The following SEMA3D variants were observed in gnomAD, a reference collection of about 807,000 sequenced individuals.
SEMA3D encodes the protein semaphorin 3D.
A neutral mutation model predicts 100.1 loss-of-function variants in SEMA3D; 84 were observed. The observed-to-expected ratio is 0.84, with a 90% CI of 0.70 to 1.01. The LOEUF (loss-of-function observed/expected upper bound fraction) is 1.01. Among genes scored for constraint, SEMA3D ranks in the 50% least tolerant of loss-of-function variants. SEMA3D has a pLI of 0.00. For synonymous variants in SEMA3D, 312 were observed against 320.7 expected, an observed-to-expected ratio of 0.97 and a Z score of 0.29; for missense variants, 875 against 934.1, an observed-to-expected ratio of 0.94 and a Z score of 0.82.
chr7:85,032,351 A>G (rs1288592216), intron 12 of SEMA3D, among the ~76,000 whole-genome samples: 1 of 152,052 alleles, frequency 6.6e-6, no homozygotes, highest in East Asian at 1.9e-4. Context: ...TAATGTAGAA[A>G]AGCACACTAA....
At chr7:85,066,913 C>CATACACACACACACAGAGAGAG in intron 7 of SEMA3D, among the ~76,000 whole-genome samples, 5 of 127,758 alleles carry the variant, frequency 3.9e-5, no homozygotes, top group African/African-American at 9.5e-5. Context: ...CACACACACA[C>CATACACACACACACAGAGAGAG]AGAGAGAGAG....
chr7:85,249,783 C>T, the SEMA3D span, among the ~76,000 whole-genome samples: 2 of 152,106 alleles, frequency 1.3e-5, no homozygotes, highest in South Asian at 2.1e-4. Flanking sequence ...ATTTTCTCCC[C>T]CAGAAAAAAT....
chr7:85,130,823 C>T (rs972996722), intron 2 of SEMA3D, among the ~76,000 whole-genome samples: 2 of 152,024 alleles, frequency 1.3e-5, no homozygotes, highest in African/African-American at 2.4e-5. Context: ...TCATATCTTC[C>T]GTAACTCTTC....
intron 2 of SEMA3D, chr7:85,142,321 G>C: frequency 1.0e-6 from 1 of 968,974 alleles, no homozygotes; most frequent in Non-Finnish European, 1.2e-6. Context: ...CTCAGTGTCA[G>C]CCAAAGTTAA....
At chr7:85,126,215 G>T (rs776527285) in intron 2 of SEMA3D, among the ~76,000 whole-genome samples, 5 of 152,022 alleles carry the variant, frequency 3.3e-5, no homozygotes, top group Non-Finnish European at 7.4e-5. Context: ...GAACTTCATT[G>T]ATTTGCTTTA....
At chr7:85,069,199 C>G (rs2116166381) in intron 6 of SEMA3D, among the ~76,000 whole-genome samples, 1 of 152,108 alleles carries the variant, frequency 6.6e-6, no homozygotes, top group Admixed American at 6.5e-5. Flanking sequence ...AAAAAAGGAC[C>G]ATTCAGTGCA....
At chr7:85,158,217 G>A (rs920720974) in intron 1 of SEMA3D, among the ~76,000 whole-genome samples, 6 of 152,198 alleles carry the variant, frequency 3.9e-5, no homozygotes, top group Non-Finnish European at 8.8e-5. Context: ...AACTCTGACT[G>A]CCAGTGATCT....
At chr7:85,030,064 G>A (rs1165584974) in intron 12 of SEMA3D, among the ~76,000 whole-genome samples, 2 of 151,926 alleles carry the variant, frequency 1.3e-5, no homozygotes, top group East Asian at 1.9e-4. Flanking sequence ...ATGCTGGCGT[G>A]AGAAGTCCAG....
At chr7:85,230,010 A>G in the SEMA3D span, among the ~76,000 whole-genome samples, 1 of 152,198 alleles carries the variant, frequency 6.6e-6, no homozygotes, top group Non-Finnish European at 1.5e-5. Context: ...TCTGCAGTTT[A>G]TTTAATGACA....
intron 1 of SEMA3D, among the ~76,000 whole-genome samples, chr7:85,182,747 T>C (rs890310680): frequency 1.3e-5 from 2 of 152,186 alleles, no homozygotes; most frequent in East Asian, 1.9e-4. Context: ...AAATCATCAT[T>C]ATTATTATTG....
intron 2 of SEMA3D, among the ~76,000 whole-genome samples, chr7:85,148,124 A>C (rs1371035622): frequency 6.6e-6 from 1 of 152,184 alleles, no homozygotes; most frequent in East Asian, 1.9e-4. Flanking sequence ...ATGAAGATTA[A>C]AAATAAACAT....
chr7:85,014,917 A>G, intron 16 of SEMA3D, 142 bp downstream of exon 16: 1 of 561,854 alleles, frequency 1.8e-6, no homozygotes, highest in Non-Finnish European at 2.9e-6. Context: ...AATATAAAAC[A>G]ACATTTTGAT....
chr7:85,191,596 G>A (rs1273502091), upstream of SEMA3D, among the ~76,000 whole-genome samples: 1 of 151,960 alleles, frequency 6.6e-6, no homozygotes. Context: ...TATTTGTTCT[G>A]GTTCACAATT....
the SEMA3D span, among the ~76,000 whole-genome samples, chr7:85,200,211 C>G: frequency 7.2e-5 from 11 of 152,302 alleles, no homozygotes; most frequent in African/African-American, 1.2e-4. Flanking sequence ...GACTTTGGAA[C>G]TGGGTAACAT....
Position 85,097,894 on chromosome 7 carries a change from A to C in SEMA3D, c.223T>G (p.Leu75Val), listed in dbSNP as rs755869487. ...SEGLDFQTLL[L>V]DEERGRLLLG... ...AGCAGCCTGCCTCTTTCCTCATCTA[A>C]GAGAAGAGTTTGAAAATCCAGTCCT... is the stretch of plus-strand genomic sequence containing the variant. Residue 75 changes from leucine to valine, a missense_variant, in exon 4 of 19, where the codon TTA becomes GTA. Coordinates refer to ENST00000284136, the MANE Select transcript of SEMA3D (RefSeq NM_001384900.1). 2 of 1,609,722 alleles carry C rather than the reference A, an allele frequency of 1.2e-6. No homozygotes were observed. Among genetic ancestry groups the C allele is most frequent in the Non-Finnish European group, 8.5e-7 (1 of 1,176,982 alleles).
rs549391316 is a variant in SEMA3D, at chr7:84,996,011, T to C, written c.*3429A>G. On this transcript the variant is annotated 3_prime_UTR_variant, in exon 19 of 19. Transcript: ENST00000284136. ...TTTTGGTTTGTTTCTAAATTATCCA[T>C]TCCCAATAAGGTTAACCAATTCCAA... 7 of 151,840 alleles carry C rather than the reference T, an allele frequency of 4.6e-5. No individual in the cohort carries two copies. The highest frequency in any genetic ancestry group is 1.4e-4 in the African/African-American group (6 of 41,478). The allele number at this position is 151,840 out of a possible 1,614,324, so 9.4% of individuals were successfully genotyped here.
the SEMA3D span, among the ~76,000 whole-genome samples, chr7:85,203,928 C>T: frequency 2.0e-5 from 3 of 152,000 alleles, no homozygotes; most frequent in Non-Finnish European, 4.4e-5. Flanking sequence ...TAAAAAAATG[C>T]TTCTTAGAGA....
At chr7:85,218,425 A>C in the SEMA3D span, among the ~76,000 whole-genome samples, 1 of 152,244 alleles carries the variant, frequency 6.6e-6, no homozygotes, top group South Asian at 2.1e-4. Context: ...AAAGTGTACA[A>C]TTATTTATCT....
intron 9 of SEMA3D, among the ~76,000 whole-genome samples, chr7:85,046,664 T>C (rs1302062930): frequency 6.6e-6 from 1 of 151,944 alleles, no homozygotes; most frequent in Non-Finnish European, 1.5e-5. Context: ...AAAGTTCAAT[T>C]CACAAGGAGT....
Sources: gnomAD v4.1 joint callset for allele counts (sites outside exome capture counted in the v4.1 genomes callset) on GRCh38, gnomAD v4.1.1 for gene constraint, MANE v1.5 for transcripts, NCBI Gene and HGNC (gene_info 2026-07-23, HGNC 2026-07-21) for gene names.